Variants in TJP1 observed in about 807,000 individuals in gnomAD.
The protein encoded by TJP1 is tight junction protein 1, also known as tight junction protein ZO-1.
A neutral mutation model predicts 194.2 loss-of-function variants in TJP1; 43 were observed. That is an observed-to-expected ratio of 0.22 (90% confidence interval 0.17 to 0.29). TJP1 has a LOEUF of 0.29. Among genes scored for constraint, TJP1 ranks in the 10% least tolerant of loss-of-function variants. The pLI is 1.00. For synonymous variants in TJP1, 801 were observed against 779.0 expected, an observed-to-expected ratio of 1.03 and a Z score of -0.47; for missense variants, 1,971 against 2,185.7, an observed-to-expected ratio of 0.90 and a Z score of 1.96.
rs1166546648 is a variant in TJP1 at position 29,903,974 on chromosome 15, C to T, written c.306+52258G>A. ...ACTGCAGAATTGAGAAGCACAAGTGCCTGGAGGCAGCCCCATTATCAATTC... is the reference window on the plus strand; with the variant it reads ...ACTGCAGAATTGAGAAGCACAAGTGTCTGGAGGCAGCCCCATTATCAATTC... On this transcript the variant is annotated intron_variant, in intron 2 of 28. Transcript: ENST00000356107. Among the ~76,000 whole-genome samples, 4 of 152,236 alleles carry T rather than the reference C, an allele frequency of 2.6e-5. No homozygotes were observed. The East Asian group carries it at 7.7e-4, about 29-fold the overall frequency.
chr15:29,777,031 C>G (rs775151921), intron 2 of TJP1, among the ~76,000 whole-genome samples: 15 of 152,050 alleles, frequency 9.9e-5, no homozygotes, highest in South Asian at 2.1e-4. Flanking sequence ...CCTTCCACCC[C>G]CCCCACTCAA....
At chr15:29,791,939 C>A (rs1200753866) in intron 2 of TJP1, among the ~76,000 whole-genome samples, 2 of 152,132 alleles carry the variant, frequency 1.3e-5, no homozygotes, top group African/African-American at 2.4e-5. Flanking sequence ...ATCTATTCAG[C>A]TCTTGTGCTT....
intron 2 of TJP1, among the ~76,000 whole-genome samples, chr15:29,931,072 A>G (rs941992549): frequency 6.6e-6 from 1 of 152,220 alleles, no homozygotes; most frequent in Non-Finnish European, 1.5e-5. Flanking sequence ...TAACGTAAAT[A>G]GTCGATTAAC....
intron 23 of TJP1, 31 bp downstream of exon 23, chr15:29,716,580 C>T: frequency 6.6e-7 from 1 of 1,508,750 alleles, no homozygotes. Flanking sequence ...ATGCTGCATC[C>T]TATTTTTAAA....
chr15:29,844,043 GT>G (rs555574509), intron 2 of TJP1, among the ~76,000 whole-genome samples: 1 of 152,116 alleles, frequency 6.6e-6, no homozygotes, highest in African/African-American at 2.4e-5. Context: ...CAGAGTGACT[GT>G]TTTTTTGTGT....
At chr15:29,833,900 T>TTTTTTTTTTTC (rs2050931892) in intron 2 of TJP1, among the ~76,000 whole-genome samples, 1 of 88,252 alleles carries the variant, frequency 1.1e-5, no homozygotes, top group African/African-American at 4.0e-5. Flanking sequence ...TTTTTTTTTT[T>TTTTTTTTTTTC]TGAGACGGAG....
rs748615773 is a variant in TJP1, at chr15:29,718,551, G to A, written c.3591C>T (p.Arg1197=). ...ESKQYFEQYS[R]SYEQVPPQGF... ...CTTGGGGTGGTACTTGCTCGTAACT[G>A]CGTGAATATTGCTCAAAATACTGCT... is the stretch of plus-strand genomic sequence containing the variant. Residue 1197 remains arginine (R), a synonymous_variant, in exon 21 of 28, where the codon CGC becomes CGT. Coordinates refer to ENST00000614355, the MANE Select transcript of TJP1 (RefSeq NM_001330239.4). 1 of 1,614,146 alleles carries A rather than the reference G, an allele frequency of 6.2e-7. No homozygotes were observed. Among genetic ancestry groups the A allele is most frequent in the South Asian group, 1.1e-5 (1 of 91,072 alleles).
At chr15:29,949,516 C>A (rs1432536859) in intron 2 of TJP1, among the ~76,000 whole-genome samples, 24 of 138,612 alleles carry the variant, frequency 1.7e-4, no homozygotes, top group Admixed American at 3.0e-4. Flanking sequence ...CCACCTCCAC[C>A]TCCACCACCA....
chr15:29,745,218 G>C (rs2044685270), intron 8 of TJP1, among the ~76,000 whole-genome samples: 1 of 150,642 alleles, frequency 6.6e-6, no homozygotes, highest in African/African-American at 2.4e-5. Flanking sequence ...TAACAGGACA[G>C]TGATACCTGT....
At chr15:29,732,330 C>A in intron 15 of TJP1, 103 bp downstream of exon 15, 1 of 1,028,128 alleles carries the variant, frequency 9.7e-7, no homozygotes. Flanking sequence ...GCTAATTTTT[C>A]ACTGACAAAA....
At chr15:29,835,322 C>G (rs1306107146) in intron 2 of TJP1, among the ~76,000 whole-genome samples, 3 of 152,012 alleles carry the variant, frequency 2.0e-5, no homozygotes, top group Admixed American at 1.3e-4. Context: ...ATATGAAAAT[C>G]AAAAGTTTTA....
chr15:29,775,326 GAA>G (rs11331546), intron 2 of TJP1, among the ~76,000 whole-genome samples: 3,176 of 144,942 alleles, frequency 0.022, 36 homozygotes, highest in Non-Finnish European at 0.027. Flanking sequence ...ATTTAATACA[GAA>G]AAAAAAAAAA....
At chr15:29,772,226 T>C (rs1421037464) in intron 3 of TJP1, 60 bp from the exon 4 acceptor site, 4 of 1,059,218 alleles carry the variant, frequency 3.8e-6, no homozygotes, top group African/African-American at 3.2e-5. Flanking sequence ...AAGTTTATGA[T>C]GATATTTCCA....
intron 1 of TJP1, among the ~76,000 whole-genome samples, chr15:29,812,700 A>G (rs1204210829): frequency 6.6e-6 from 1 of 152,230 alleles, no homozygotes; most frequent in African/African-American, 2.4e-5. Flanking sequence ...TGGCAAGTAA[A>G]TTTAACCTCA....
intron 12 of TJP1, among the ~76,000 whole-genome samples, 174 bp downstream of exon 12, chr15:29,734,100 T>G (rs1217546479): frequency 6.6e-6 from 1 of 152,186 alleles, no homozygotes; most frequent in Non-Finnish European, 1.5e-5. Context: ...CTAATGAGAA[T>G]CATCTGAAAT....
At chr15:29,703,831 TG>T (rs1179670574) in intron 27 of TJP1, among the ~76,000 whole-genome samples, 1 of 151,908 alleles carries the variant, frequency 6.6e-6, no homozygotes, top group Non-Finnish European at 1.5e-5. Flanking sequence ...TTAGTAGAGA[TG>T]GGGTTTCACC....
chr15:29,708,196 CAAAAA>C (rs770746842), intron 25 of TJP1, among the ~76,000 whole-genome samples: 1 of 63,524 alleles, frequency 1.6e-5, no homozygotes. Flanking sequence ...ACTCTTGTCT[CAAAAA>C]AAAAAAAAAA....
At chr15:29,964,827 G>A (rs530073778) in intron 1 of TJP1, among the ~76,000 whole-genome samples, 2 of 152,294 alleles carry the variant, frequency 1.3e-5, no homozygotes, top group East Asian at 1.9e-4. Flanking sequence ...CACTGCAAAC[G>A]CCCCTGCTTT....
intron 2 of TJP1, among the ~76,000 whole-genome samples, chr15:29,790,383 T>G (rs554265475): frequency 1.8e-4 from 27 of 152,302 alleles, no homozygotes; most frequent in African/African-American, 6.5e-4. Flanking sequence ...TGTCCAAAGA[T>G]TTTAAAAATG....
Sources: allele counts gnomAD v4.1 joint callset (sites outside exome capture counted in the v4.1 genomes callset), GRCh38; gene constraint gnomAD v4.1.1; transcripts MANE v1.5; gene names NCBI Gene and HGNC (gene_info 2026-07-23, HGNC 2026-07-21).